PTPN4: variants seen among roughly 807,000 people sequenced by gnomAD.
PTPN4 encodes protein tyrosine phosphatase non-receptor type 4.
In PTPN4, 49 loss-of-function variants were observed where a neutral mutation model predicts 135.5. The observed-to-expected ratio is 0.36, with a 90% CI of 0.29 to 0.46. PTPN4 has a LOEUF of 0.46. Among genes scored for constraint, PTPN4 ranks in the 20% least tolerant of loss-of-function variants. The pLI, the probability that PTPN4 is intolerant of heterozygous loss-of-function variation, is 1.00. For missense variants in PTPN4, 860 were observed against 1,101.0 expected, an observed-to-expected ratio of 0.78 and a Z score of 3.10; for synonymous variants, 333 against 369.9, an observed-to-expected ratio of 0.90 and a Z score of 1.14.
intron 2 of PTPN4, among the ~76,000 whole-genome samples, chr2:119,852,115 C>T (rs1677601056): frequency 6.6e-6 from 1 of 152,198 alleles, no homozygotes; most frequent in African/African-American, 2.4e-5. Context: ...TGTGTAGTTA[C>T]ATCCTCAGCT....
intron 19 of PTPN4, among the ~76,000 whole-genome samples, chr2:119,954,861 G>A (rs1011184430): frequency 1.3e-5 from 2 of 152,080 alleles, no homozygotes; most frequent in African/African-American, 2.4e-5. Context: ...AATTAAGAGC[G>A]GGTGTATTCA....
intron 2 of PTPN4, among the ~76,000 whole-genome samples, chr2:119,856,229 C>T (rs1003669854): frequency 2.6e-5 from 4 of 152,174 alleles, no homozygotes; most frequent in South Asian, 2.1e-4. Flanking sequence ...CCTTTTAGAT[C>T]GCTCCTGTTG....
intron 15 of PTPN4, among the ~76,000 whole-genome samples, chr2:119,942,080 G>T (rs1036344475): frequency 6.6e-6 from 1 of 152,126 alleles, no homozygotes; most frequent in African/African-American, 2.4e-5. Flanking sequence ...AACAATGAAT[G>T]GTCCAAATGT....
At chr2:119,876,993 G>A (rs147512127) in intron 3 of PTPN4, among the ~76,000 whole-genome samples, 42 of 149,084 alleles carry the variant, frequency 2.8e-4, no homozygotes, top group African/African-American at 1.0e-3. Context: ...AAGAAATATA[G>A]TTAGATTAAT....
chr2:119,924,235 G>GT (rs1459354946), intron 12 of PTPN4, among the ~76,000 whole-genome samples: 1 of 151,092 alleles, frequency 6.6e-6, no homozygotes, highest in Non-Finnish European at 1.5e-5. Flanking sequence ...AGTTCTTAAG[G>GT]TTTTCTTCAT....
intron 10 of PTPN4, among the ~76,000 whole-genome samples, chr2:119,901,857 T>TA (rs1678409204): frequency 6.6e-6 from 1 of 152,178 alleles, no homozygotes; most frequent in Non-Finnish European, 1.5e-5. Flanking sequence ...CCTTTGGTCT[T>TA]ATCGGTAGAT....
At chr2:119,770,375 C>T (rs749690607) in intron 1 of PTPN4, among the ~76,000 whole-genome samples, 4 of 152,028 alleles carry the variant, frequency 2.6e-5, no homozygotes, top group Non-Finnish European at 4.4e-5. Flanking sequence ...ATTGTATTTT[C>T]GTATTTGAAT....
At chr2:119,794,338 A>G (rs1691213194) in intron 1 of PTPN4, among the ~76,000 whole-genome samples, 1 of 152,088 alleles carries the variant, frequency 6.6e-6, no homozygotes, top group African/African-American at 2.4e-5. Context: ...TCCACTTGGC[A>G]TGGCAGGCTG....
intron 19 of PTPN4, among the ~76,000 whole-genome samples, chr2:119,954,951 C>A (rs1259137121): frequency 6.6e-6 from 1 of 152,136 alleles, no homozygotes; most frequent in East Asian, 1.9e-4. Context: ...AAGAACACTT[C>A]TTCCCTCCAA....
At chr2:119,793,860 T>TTTTTTTTTTTTTTTTTTTTTTTTTTTTA (rs1691201778) in intron 1 of PTPN4, among the ~76,000 whole-genome samples, 1 of 134,604 alleles carries the variant, frequency 7.4e-6, no homozygotes, top group African/African-American at 2.8e-5. Context: ...TTTTTTTTTT[T>TTTTTTTTTTTTTTTTTTTTTTTTTTTTA]TTTTTTTTTT....
rs978342703 is a variant in PTPN4, at chr2:119,931,904, A to G, written c.1071-520A>G. On this transcript the variant is annotated intron_variant, in intron 13 of 26. Coordinates refer to ENST00000263708, the MANE Select transcript of PTPN4 (RefSeq NM_002830.4). ...AAAGGGAAAAATCCACTAACCTACT[A>G]TATGTAAACAATTTTTTAAGTAGAT... Among the ~76,000 whole-genome samples, 8 of 152,306 alleles carry G rather than the reference A, an allele frequency of 5.3e-5. No homozygotes were observed. In the East Asian group the frequency reaches 5.8e-4, roughly 11 times the overall value.
In PTPN4 at chr2:119,984,235, A is replaced by G. The variant is rs1296684605; in HGVS notation, c.*7165A>G. On this transcript the variant is annotated 3_prime_UTR_variant, in exon 27 of 27. Transcript: ENST00000263708. ...AATTTACTATATCTGCATTATTGAT[A>G]TTTTTAAGTAGTAGTTTTAAAAATA... Among the ~76,000 whole-genome samples the G allele has an allele frequency of 6.6e-6, 1 of 152,142 alleles. No homozygotes were observed. Among genetic ancestry groups the G allele is most frequent in the Non-Finnish European group, 1.5e-5 (1 of 68,018 alleles).
intron 2 of PTPN4, among the ~76,000 whole-genome samples, chr2:119,817,790 T>G (rs948026945): frequency 6.6e-6 from 1 of 152,210 alleles, no homozygotes; most frequent in Non-Finnish European, 1.5e-5. Context: ...ATTCTTCCTA[T>G]CCATGAGCAT....
chr2:119,805,871 C>G (rs1246009221), intron 1 of PTPN4, among the ~76,000 whole-genome samples: 1 of 152,130 alleles, frequency 6.6e-6, no homozygotes, highest in Non-Finnish European at 1.5e-5. Flanking sequence ...TTACCTTGGG[C>G]AGTATGGCCA....
At chr2:119,928,097 T>A (rs1439672803) in intron 13 of PTPN4, among the ~76,000 whole-genome samples, 1 of 152,226 alleles carries the variant, frequency 6.6e-6, no homozygotes, top group Non-Finnish European at 1.5e-5. Context: ...TTTATATATG[T>A]GTGTATATTT....
chr2:119,906,326 G>A (rs182498364), intron 10 of PTPN4, among the ~76,000 whole-genome samples: 153 of 152,024 alleles, frequency 1.0e-3, no homozygotes, highest in African/African-American at 3.2e-3. Flanking sequence ...TGTGAGACCT[G>A]TCTGAAAAAA....
chr2:119,968,723 C>T (rs1679482719), intron 26 of PTPN4, among the ~76,000 whole-genome samples: 3 of 151,980 alleles, frequency 2.0e-5, no homozygotes, highest in Non-Finnish European at 4.4e-5. Flanking sequence ...ACCCGGGAGG[C>T]GGAGCTTGCA....
At chr2:119,976,298 A>G (rs574259097) in intron 26 of PTPN4, among the ~76,000 whole-genome samples, 133 of 152,094 alleles carry the variant, frequency 8.7e-4, no homozygotes, top group African/African-American at 2.9e-3. Context: ...CACCCGGCCA[A>G]GAAACTATTT....
chr2:119,912,624 G>A (rs1269664464), intron 10 of PTPN4, among the ~76,000 whole-genome samples: 5 of 152,098 alleles, frequency 3.3e-5, no homozygotes, highest in African/African-American at 4.8e-5. Context: ...AAAAATTATG[G>A]TAGAGATAAA....
Sources: allele counts gnomAD v4.1 joint callset (sites outside exome capture counted in the v4.1 genomes callset), GRCh38; gene constraint gnomAD v4.1.1; transcripts MANE v1.5; gene names NCBI Gene and HGNC (gene_info 2026-07-23, HGNC 2026-07-21).